Variants in CCDC148 observed in about 807,000 individuals in gnomAD.
The protein encoded by CCDC148 is coiled-coil domain-containing protein 148.
In CCDC148, 89 loss-of-function variants were observed where a neutral mutation model predicts 85.7. That is an observed-to-expected ratio of 1.04 (90% CI 0.87 to 1.24). CCDC148 has a LOEUF of 1.24. Ranked by LOEUF, CCDC148 falls within the 50% of genes most tolerant of loss-of-function variation. CCDC148 has a pLI of 0.00. For missense variants in CCDC148, 692 were observed against 671.7 expected, an observed-to-expected ratio of 1.03 and a Z score of -0.33; for synonymous variants, 230 against 213.9, an observed-to-expected ratio of 1.08 and a Z score of -0.66.
chr2:158,339,376 C>T (rs1280921176), intron 5 of CCDC148, among the ~76,000 whole-genome samples: 1 of 152,210 alleles, frequency 6.6e-6, no homozygotes, highest in Non-Finnish European at 1.5e-5. Context: ...CCAGATGTCT[C>T]TGCTCCAATC....
intron 1 of CCDC148, among the ~76,000 whole-genome samples, chr2:158,456,129 G>A (rs1424746709): frequency 6.6e-6 from 1 of 152,192 alleles, no homozygotes; most frequent in East Asian, 1.9e-4. Context: ...TCTGCCCACA[G>A]GGAGATTAGA....
chr2:158,348,784 C>T (rs6437167), intron 2 of CCDC148, among the ~76,000 whole-genome samples: 25,773 of 151,904 alleles, frequency 0.17, 3,482 homozygotes, highest in African/African-American at 0.38. Flanking sequence ...CTATACAATT[C>T]AATCCAATTG....
chr2:158,241,048 G>T (rs1688330699), intron 10 of CCDC148, among the ~76,000 whole-genome samples: 1 of 152,084 alleles, frequency 6.6e-6, no homozygotes, highest in Non-Finnish European at 1.5e-5. Context: ...AATAAAAGGA[G>T]GTCTAGGCAT....
Position 158,436,823 on chromosome 2 carries a change from C to T in CCDC148, c.25+19592G>A, listed in dbSNP as rs541008302. On this transcript the variant is annotated intron_variant, in intron 1 of 13. Transcript: ENST00000283233. The stretch of plus-strand genomic sequence containing the variant: ...ACCACTGATCCCACAGAAATACAAA[C>T]TACCATCAGAGAATGCTATAAACAC... 2.6e-5 allele frequency among the ~76,000 whole-genome samples: 4 copies of T among 152,302 alleles called. No individual in the cohort carries two copies. The South Asian group carries it at 6.2e-4, about 24-fold the overall frequency.
intron 9 of CCDC148, among the ~76,000 whole-genome samples, chr2:158,291,154 T>C (rs1311124731): frequency 6.6e-6 from 1 of 152,132 alleles, no homozygotes; most frequent in Non-Finnish European, 1.5e-5. Flanking sequence ...GGTCTCGCTA[T>C]ATTGCCCAGG....
At chr2:158,400,960 T>C (rs1685754061) in intron 1 of CCDC148, among the ~76,000 whole-genome samples, 2 of 152,188 alleles carry the variant, frequency 1.3e-5, no homozygotes, top group South Asian at 4.1e-4. Context: ...ATGCTCATCA[T>C]CCCTGGTCAT....
intron 2 of CCDC148, among the ~76,000 whole-genome samples, chr2:158,349,662 T>C (rs1053592206): frequency 2.0e-5 from 3 of 151,954 alleles, no homozygotes; most frequent in African/African-American, 7.2e-5. Flanking sequence ...AAAAGCAAAA[T>C]GTCAACTTGC....
chr2:158,311,347 T>C (rs187917640), intron 8 of CCDC148, among the ~76,000 whole-genome samples: 1 of 152,212 alleles, frequency 6.6e-6, no homozygotes, highest in East Asian at 1.9e-4. Context: ...GGCGCGAGCC[T>C]GCAATCCCAT....
intron 9 of CCDC148, among the ~76,000 whole-genome samples, chr2:158,274,123 A>G (rs1689817872): frequency 6.6e-6 from 1 of 152,180 alleles, no homozygotes; most frequent in Admixed American, 6.5e-5. Context: ...AGATGTCATT[A>G]GCTTCTGAAT....
chr2:158,324,621 C>T (rs554020905), intron 7 of CCDC148, among the ~76,000 whole-genome samples: 2 of 152,216 alleles, frequency 1.3e-5, no homozygotes, highest in Non-Finnish European at 2.9e-5. Context: ...AGAGTACTCA[C>T]ATTTATAAAG....
chr2:158,374,590 T>C (rs189328476), intron 1 of CCDC148, among the ~76,000 whole-genome samples: 2 of 152,044 alleles, frequency 1.3e-5, no homozygotes, highest in East Asian at 3.9e-4. Flanking sequence ...ATGCTGCAAT[T>C]GGAGGTTAGT....
chr2:158,390,505 G>A (rs1041424689), intron 1 of CCDC148, among the ~76,000 whole-genome samples: 1 of 152,108 alleles, frequency 6.6e-6, no homozygotes, highest in African/African-American at 2.4e-5. Flanking sequence ...TCTGAAACTC[G>A]TTTTAAATAG....
At chr2:158,417,495 T>C (rs1686554874) in intron 1 of CCDC148, among the ~76,000 whole-genome samples, 1 of 152,200 alleles carries the variant, frequency 6.6e-6, no homozygotes, top group Non-Finnish European at 1.5e-5. Context: ...TTCTGCCCAA[T>C]ATAGGATGCT....
chr2:158,377,394 T>C (rs999463534), intron 1 of CCDC148, among the ~76,000 whole-genome samples: 2 of 150,666 alleles, frequency 1.3e-5, no homozygotes, highest in Non-Finnish European at 2.9e-5. Flanking sequence ...CAAAATATAA[T>C]GGTCAGTAAC....
rs541745401 is a variant in CCDC148, at chr2:158,425,581, G to A, written c.25+30834C>T. ...AAACCTCAAATAAATGCTTCCTTAT[G>A]TGATTATTTTTCTGTGTCAGGTACC... is the stretch of plus-strand genomic sequence containing the variant. On this transcript the variant is annotated intron_variant, in intron 1 of 13. Coordinates refer to ENST00000283233, the MANE Select transcript of CCDC148 (RefSeq NM_138803.4). 3.3e-5 allele frequency among the ~76,000 whole-genome samples: 5 copies of A among 152,114 alleles called. No individual in the cohort carries two copies. In the South Asian group the frequency reaches 1.0e-3, roughly 32 times the overall value.
chr2:158,408,804 C>T (rs1309233466), intron 1 of CCDC148, among the ~76,000 whole-genome samples: 1 of 151,922 alleles, frequency 6.6e-6, no homozygotes, highest in African/African-American at 2.4e-5. Context: ...TTTACATCCC[C>T]ACCAATAATG....
intron 7 of CCDC148, among the ~76,000 whole-genome samples, chr2:158,323,167 T>C (rs1692599032): frequency 6.6e-6 from 1 of 152,178 alleles, no homozygotes; most frequent in Non-Finnish European, 1.5e-5. Context: ...GTTTTTAAAA[T>C]GTGTTTCAGT....
intron 10 of CCDC148, among the ~76,000 whole-genome samples, chr2:158,240,452 T>TCTCTCTCACACACACACACA (rs941238898): frequency 3.9e-4 from 47 of 120,540 alleles, no homozygotes; most frequent in East Asian, 2.1e-3. Flanking sequence ...TCTCTCTCTC[T>TCTCTCTCACACACACACACA]CACACACACA....
At chr2:158,436,951 C>T (rs967495214) in intron 1 of CCDC148, among the ~76,000 whole-genome samples, 1 of 152,166 alleles carries the variant, frequency 6.6e-6, no homozygotes, top group African/African-American at 2.4e-5. Flanking sequence ...TCTGAATAAA[C>T]AAATAACAGG....
Sources: allele counts gnomAD v4.1 joint callset (sites outside exome capture counted in the v4.1 genomes callset), GRCh38; gene constraint gnomAD v4.1.1; transcripts MANE v1.5; gene names NCBI Gene and HGNC (gene_info 2026-07-23, HGNC 2026-07-21).